The following CPQ variants were observed in gnomAD, a reference collection of about 807,000 sequenced individuals.
CPQ encodes the protein Ser-Met dipeptidase.
A neutral mutation model predicts 45.7 loss-of-function variants in CPQ; 37 were observed. The ratio of observed to expected loss-of-function variants is 0.81; its 90% confidence interval spans 0.62 to 1.07. The LOEUF is 1.07. Among genes scored for constraint, CPQ ranks in the 50% least tolerant of loss-of-function variants. CPQ has a pLI of 0.00. For missense variants in CPQ, 537 were observed against 572.9 expected, an observed-to-expected ratio of 0.94 and a Z score of 0.64; for synonymous variants, 186 against 205.8, an observed-to-expected ratio of 0.90 and a Z score of 0.82.
At chr8:96,919,294 T>A (rs1812777213) in intron 4 of CPQ, among the ~76,000 whole-genome samples, 1 of 152,084 alleles carries the variant, frequency 6.6e-6, no homozygotes, top group African/African-American at 2.4e-5. Context: ...CCAAAGTAAG[T>A]TTCTTTGTCT....
intron 7 of CPQ, among the ~76,000 whole-genome samples, chr8:97,099,500 A>G (rs1811267696): frequency 6.6e-6 from 1 of 150,376 alleles, no homozygotes; most frequent in Non-Finnish European, 1.5e-5. Flanking sequence ...GGTGGGTTCA[A>G]CTCCACCTTT....
Position 96,831,977 on chromosome 8 carries a change from G to C in CPQ, c.434-2996G>C, listed in dbSNP as rs1811466083. Among the ~76,000 whole-genome samples the C allele has an allele frequency of 2.0e-5, 3 of 152,192 alleles. No homozygotes were observed. The South Asian group carries it at 6.2e-4, about 31-fold the overall frequency. ...TAGCCACATGTGGCTAATGGCTACT[G>C]TGTTAGCACAGATATCAAACATTTC... On this transcript the variant is annotated intron_variant, in intron 2 of 7. Transcript: ENST00000220763.
chr8:97,128,035 C>G (rs72664583), intron 7 of CPQ, among the ~76,000 whole-genome samples: 1 of 152,182 alleles, frequency 6.6e-6, no homozygotes, highest in Admixed American at 6.5e-5. Context: ...TGTGTTCATT[C>G]GCCAAAACTT....
chr8:96,926,665 A>ATTC (rs747687059), intron 4 of CPQ, among the ~76,000 whole-genome samples: 70 of 96,358 alleles, frequency 7.3e-4, no homozygotes, highest in Non-Finnish European at 6.8e-4. Flanking sequence ...CCTTCTCCCT[A>ATTC]TTCTTCTTCT....
chr8:96,823,305 G>C (rs1040861441), intron 2 of CPQ, among the ~76,000 whole-genome samples: 2 of 152,128 alleles, frequency 1.3e-5, no homozygotes, highest in East Asian at 3.9e-4. Context: ...ATGGACTTTT[G>C]TACATTATTG....
chr8:96,910,860 T>C (rs1812650858), intron 4 of CPQ, among the ~76,000 whole-genome samples: 1 of 151,970 alleles, frequency 6.6e-6, no homozygotes, highest in Non-Finnish European at 1.5e-5. Flanking sequence ...TTCTGAAAGG[T>C]CAAGTATCTT....
At chr8:96,832,629 A>T (rs975530037) in intron 2 of CPQ, among the ~76,000 whole-genome samples, 3 of 152,156 alleles carry the variant, frequency 2.0e-5, no homozygotes, top group Non-Finnish European at 4.4e-5. Context: ...GGCTTCCCTG[A>T]TGTTACAGGA....
At chr8:96,707,005 G>A (rs568392915) in intron 1 of CPQ, among the ~76,000 whole-genome samples, 4 of 152,120 alleles carry the variant, frequency 2.6e-5, no homozygotes, top group African/African-American at 9.6e-5. Flanking sequence ...CTTATGATAG[G>A]CCCAGAATTT....
intron 4 of CPQ, among the ~76,000 whole-genome samples, chr8:96,952,227 C>G (rs1425886517): frequency 6.6e-6 from 1 of 152,100 alleles, no homozygotes; most frequent in Non-Finnish European, 1.5e-5. Flanking sequence ...GTGAAGCATA[C>G]AGAGGGATAT....
chr8:96,854,527 T>A (rs1811815630), intron 3 of CPQ, among the ~76,000 whole-genome samples: 1 of 12,154 alleles, frequency 8.2e-5, no homozygotes, highest in Admixed American at 1.1e-3. Context: ...CGAGACTCCG[T>A]CTCAAAAAAA....
Position 97,143,156 on chromosome 8 carries a change from CA to C in CPQ, c.1393del (p.Met465TrpfsTer78). ...CTGTTGTTTCTTATGTTGTTGCAGACATGGAAGAAATGCTGCCTAGGTCCTA... is the reference window on the plus strand; with the variant it reads ...CTGTTGTTTCTTATGTTGTTGCAGACTGGAAGAAATGCTGCCTAGGTCCTA... The part of the protein sequence containing the change: ...WAVVSYVVAD[M>X]EEMLPRS On this transcript the variant is annotated frameshift_variant, in exon 8 of 8. Transcript: ENST00000220763. LOFTEE classifies it high-confidence loss of function. 1 of 1,613,938 alleles carries C rather than the reference CA, an allele frequency of 6.2e-7. No individual in the cohort carries two copies.
intron 7 of CPQ, among the ~76,000 whole-genome samples, chr8:97,123,250 TAA>T (rs1434349757): frequency 5.9e-5 from 8 of 135,686 alleles, no homozygotes; most frequent in African/African-American, 1.6e-4. Context: ...TAAAATAAAA[TAA>T]AAATAAAATA....
chr8:96,974,094 C>T (rs1200535824), intron 5 of CPQ, among the ~76,000 whole-genome samples: 2 of 152,090 alleles, frequency 1.3e-5, no homozygotes, highest in African/African-American at 4.8e-5. Context: ...GATAAGAATG[C>T]ACCAACCAAG....
At chr8:96,978,734 C>T (rs1813831683) in intron 5 of CPQ, among the ~76,000 whole-genome samples, 1 of 152,058 alleles carries the variant, frequency 6.6e-6, no homozygotes, top group African/African-American at 2.4e-5. Context: ...GAATAAGGGC[C>T]ATAGAAAATC....
chr8:96,974,192 T>C (rs1389754519), intron 5 of CPQ, among the ~76,000 whole-genome samples: 1 of 152,010 alleles, frequency 6.6e-6, no homozygotes, highest in African/African-American at 2.4e-5. Context: ...TCCATGCAAA[T>C]GGACACCAAA....
intron 6 of CPQ, among the ~76,000 whole-genome samples, chr8:97,057,797 C>A (rs1314488228): frequency 6.6e-6 from 1 of 151,920 alleles, no homozygotes; most frequent in Non-Finnish European, 1.5e-5. Flanking sequence ...TTTGCAGGAG[C>A]AAGGCAGGCA....
At chr8:96,769,394 A>G (rs1487006217) in intron 1 of CPQ, among the ~76,000 whole-genome samples, 1 of 151,998 alleles carries the variant, frequency 6.6e-6, no homozygotes, top group Admixed American at 6.6e-5. Flanking sequence ...CTGTGCTTTT[A>G]TTGATTGCAT....
intron 7 of CPQ, among the ~76,000 whole-genome samples, chr8:97,087,214 G>A (rs1413095692): frequency 6.6e-6 from 1 of 152,164 alleles, no homozygotes. Context: ...AGCATTCTGT[G>A]CGAAAGACTG....
chr8:96,873,504 A>T lies in CPQ; in HGVS notation c.642-6294A>T, dbSNP rs116080485. Among the ~76,000 whole-genome samples, 827 of 151,170 alleles carry T rather than the reference A, an allele frequency of 5.5e-3. 4 individuals carry two copies. Among genetic ancestry groups the T allele is most frequent in the African/African-American group, 0.016 (666 of 40,932 alleles). ...AAATTTACTCTTAAGGTGCTAAATTAAAAAAAATTAATAAAGTCAATTGAA... is the reference window on the plus strand; with the variant it reads ...AAATTTACTCTTAAGGTGCTAAATTTAAAAAAATTAATAAAGTCAATTGAA... On this transcript the variant is annotated intron_variant, in intron 3 of 7. Coordinates refer to ENST00000220763, the MANE Select transcript of CPQ (RefSeq NM_016134.4).
Sources: gnomAD v4.1 joint callset for allele counts (sites outside exome capture counted in the v4.1 genomes callset) on GRCh38, gnomAD v4.1.1 for gene constraint, MANE v1.5 for transcripts, NCBI Gene and HGNC (gene_info 2026-07-23, HGNC 2026-07-21) for gene names.